Variants in REDIC1 observed in about 807,000 individuals in gnomAD.
The protein encoded by REDIC1 is HEI10 Interacting Protein 1.
chr12:39,648,075 T>C, the REDIC1 span: 1 of 853,388 alleles, frequency 1.2e-6, no homozygotes, highest in Non-Finnish European at 1.6e-6. Context: ...CATTTTGAAT[T>C]GCTATACATA....
chr12:39,886,508 A>C, the REDIC1 span, among the ~76,000 whole-genome samples: 5 of 152,188 alleles, frequency 3.3e-5, no homozygotes, highest in African/African-American at 4.8e-5. Context: ...GGGGTACTAC[A>C]TGACATTCAT....
chr12:39,763,419 T>A, the REDIC1 span, among the ~76,000 whole-genome samples: 1 of 152,058 alleles, frequency 6.6e-6, no homozygotes, highest in South Asian at 2.1e-4. Flanking sequence ...ATCTGCAAAA[T>A]TTATCCATGT....
the REDIC1 span, among the ~76,000 whole-genome samples, chr12:39,733,943 T>C: frequency 1.3e-5 from 2 of 152,100 alleles, no homozygotes; most frequent in East Asian, 3.9e-4. Flanking sequence ...CAGGCGCTAC[T>C]GGGGTATGAA....
the REDIC1 span, among the ~76,000 whole-genome samples, chr12:39,709,705 G>T: frequency 6.6e-6 from 1 of 151,554 alleles, no homozygotes; most frequent in African/African-American, 2.4e-5. Context: ...GTATTCAATT[G>T]TACGTGTATG....
chr12:39,743,505 A>C, the REDIC1 span, among the ~76,000 whole-genome samples: 2 of 152,258 alleles, frequency 1.3e-5, no homozygotes, highest in African/African-American at 4.8e-5. Context: ...TGAAAAGACA[A>C]AGCAGTCACG....
chr12:39,755,011 G>A, the REDIC1 span: 2 of 152,046 alleles, frequency 1.3e-5, no homozygotes, highest in Non-Finnish European at 2.9e-5. Context: ...ATAAATAAGT[G>A]CAAGGGAAGT....
At chr12:39,697,841 A>G in the REDIC1 span, among the ~76,000 whole-genome samples, 5 of 152,196 alleles carry the variant, frequency 3.3e-5, no homozygotes, top group Non-Finnish European at 7.4e-5. Context: ...GAAGGAAGGA[A>G]AGACGAAATG....
the REDIC1 span, among the ~76,000 whole-genome samples, chr12:39,699,971 A>G: frequency 2.0e-5 from 3 of 152,014 alleles, no homozygotes; most frequent in Non-Finnish European, 2.9e-5. Context: ...AAAGTAGATA[A>G]AACCACAAAG....
At chr12:39,864,941 TG>T in the REDIC1 span, 1 of 1,484,932 alleles carries the variant, frequency 6.7e-7, no homozygotes. Flanking sequence ...TAAGGCAGAC[TG>T]GGTTTGGTAA....
chr12:39,746,126 G>T, the REDIC1 span: 1 of 152,270 alleles, frequency 6.6e-6, no homozygotes, highest in Admixed American at 6.5e-5. Context: ...GTGAGCAGAA[G>T]CAGGGTGAGG....
the REDIC1 span, among the ~76,000 whole-genome samples, chr12:39,868,868 G>A: frequency 6.6e-6 from 1 of 152,104 alleles, no homozygotes; most frequent in African/African-American, 2.4e-5. Context: ...GTACTTCTTT[G>A]TATAAAGAGT....
chr12:39,812,770 C>G, the REDIC1 span, among the ~76,000 whole-genome samples: 6 of 148,498 alleles, frequency 4.0e-5, no homozygotes, highest in Admixed American at 6.7e-5. Context: ...TTGCACCTGG[C>G]GGTTTCTAAT....
the REDIC1 span, chr12:39,626,443 T>G: frequency 6.4e-7 from 1 of 1,564,756 alleles, no homozygotes. Context: ...GGTCACAGCC[T>G]TAGCTGGAAA....
the REDIC1 span, among the ~76,000 whole-genome samples, chr12:39,636,003 A>G: frequency 2.0e-5 from 3 of 152,154 alleles, no homozygotes; most frequent in Admixed American, 6.6e-5. Context: ...TTTCAAGACT[A>G]TTTGTAAATT....
At chr12:39,711,512 T>C in the REDIC1 span, among the ~76,000 whole-genome samples, 1 of 139,030 alleles carries the variant, frequency 7.2e-6, no homozygotes, top group Admixed American at 7.1e-5. Context: ...TATATATGTG[T>C]ATATATGTGT....
chr12:39,640,324 T>C, the REDIC1 span, among the ~76,000 whole-genome samples: 2 of 151,904 alleles, frequency 1.3e-5, no homozygotes, highest in Non-Finnish European at 2.9e-5. Flanking sequence ...TCACCAGATA[T>C]CAAATCTGTT....
At chr12:39,768,931 A>C in the REDIC1 span, among the ~76,000 whole-genome samples, 1 of 152,120 alleles carries the variant, frequency 6.6e-6, no homozygotes, top group Non-Finnish European at 1.5e-5. Flanking sequence ...CAAACACAAT[A>C]AAATGAAGTA....
At chr12:39,633,086 A>T in the REDIC1 span, among the ~76,000 whole-genome samples, 6 of 151,740 alleles carry the variant, frequency 4.0e-5, no homozygotes, top group Non-Finnish European at 5.9e-5. Flanking sequence ...TTTAAATTTT[A>T]TTATTATTAT....
chr12:39,886,125 T>G, the REDIC1 span, among the ~76,000 whole-genome samples: 1 of 152,290 alleles, frequency 6.6e-6, no homozygotes, highest in South Asian at 2.1e-4. Context: ...AGAGATAAAT[T>G]TTATTGTTCC....
Sources: allele counts gnomAD v4.1 joint callset (sites outside exome capture counted in the v4.1 genomes callset), GRCh38; gene constraint gnomAD v4.1.1; transcripts MANE v1.5; gene names NCBI Gene and HGNC (gene_info 2026-07-23, HGNC 2026-07-21).